Variants in CYSTM1 observed in about 807,000 individuals in gnomAD.
CYSTM1 encodes the protein cysteine rich transmembrane module containing 1.
A neutral mutation model predicts 13.1 loss-of-function variants in CYSTM1; 4 were observed. That is an observed-to-expected ratio of 0.31 (90% CI 0.15 to 0.70). The LOEUF is 0.70. CYSTM1 is among the 30% of genes least tolerant of loss of function. The probability of loss-of-function intolerance (pLI) is 0.72; values close to 1 mark genes in which losing one functional copy is unlikely to be tolerated. For synonymous variants in CYSTM1, 36 were observed against 42.7 expected (o/e 0.84, Z 0.62); for missense variants, 96 against 121.6 (o/e 0.79, Z 0.99).
At chr5:140,214,587 G>A (rs1012278422) in intron 2 of CYSTM1, among the ~76,000 whole-genome samples, 8 of 151,626 alleles carry the variant, frequency 5.3e-5, no homozygotes, top group Non-Finnish European at 2.9e-5. Flanking sequence ...TTTCACCCAG[G>A]AGCAGCCTGG....
At chr5:140,184,089 A>G (rs1408123821) in intron 1 of CYSTM1, among the ~76,000 whole-genome samples, 1 of 61,602 alleles carries the variant, frequency 1.6e-5, no homozygotes, top group African/African-American at 9.2e-5. Flanking sequence ...ATAAAAAAGT[A>G]TGTATAATGT....
rs564702723 is a variant in CYSTM1, at chr5:140,231,364, G to A, written c.188-11941G>A. Among the ~76,000 whole-genome samples, 11 of 152,274 alleles carry A rather than the reference G, an allele frequency of 7.2e-5. No homozygotes were observed. In the South Asian group the frequency reaches 2.1e-3, roughly 29 times the overall value. ...CTTGGGGGCAGTTCAGCTGTGAGGG[G>A]AGCAGTTCTTCAGTCTGTCCTATGC... On this transcript the variant is annotated intron_variant, in intron 2 of 2. Transcript: ENST00000261811.
chr5:140,241,878 T>C (rs1380699216), intron 2 of CYSTM1, among the ~76,000 whole-genome samples: 1 of 152,150 alleles, frequency 6.6e-6, no homozygotes, highest in Non-Finnish European at 1.5e-5. Context: ...TCTATCCCAG[T>C]TGGGTATGAG....
rs1764611396 is a variant in CYSTM1, at chr5:140,230,970, A to G, written c.188-12335A>G. Among the ~76,000 whole-genome samples, 2 of 152,096 alleles carry G rather than the reference A, an allele frequency of 1.3e-5. No individual in the cohort carries two copies. Among genetic ancestry groups the G allele is most frequent in the African/African-American group, 2.4e-5 (1 of 41,404 alleles). On this transcript the variant is annotated intron_variant, in intron 2 of 2. Transcript: ENST00000261811. The surrounding 1 kb of genome is among the most constrained non-coding windows in gnomAD (Gnocchi z 4.1). The stretch of plus-strand genomic sequence containing the variant: ...CTCGGCCTTTTACTGTTTCATCTAC[A>G]TTTTAGAATGTGTGTTAGTTTCTAC...
At chr5:140,208,346 A>G (rs1237165147) in intron 2 of CYSTM1, among the ~76,000 whole-genome samples, 5 of 152,252 alleles carry the variant, frequency 3.3e-5, no homozygotes, top group Non-Finnish European at 7.3e-5. Flanking sequence ...CACAAAGACA[A>G]ACATTGTGTG....
At chr5:140,186,730 T>A (rs1436165809) in intron 1 of CYSTM1, among the ~76,000 whole-genome samples, 1 of 152,196 alleles carries the variant, frequency 6.6e-6, no homozygotes, top group Non-Finnish European at 1.5e-5. Flanking sequence ...CTCCTATAAG[T>A]ATTTATGGAT....
intron 2 of CYSTM1, among the ~76,000 whole-genome samples, chr5:140,213,005 A>G (rs1302305382): frequency 7.7e-6 from 1 of 129,426 alleles, no homozygotes; most frequent in Non-Finnish European, 1.6e-5. Context: ...ATATATATAT[A>G]TATATGAGAG....
intron 2 of CYSTM1, among the ~76,000 whole-genome samples, chr5:140,228,559 G>A (rs965583444): frequency 5.3e-5 from 8 of 152,180 alleles, no homozygotes; most frequent in Non-Finnish European, 1.2e-4. Context: ...ACTGAAACAG[G>A]GAAAGCGCAG....
intron 1 of CYSTM1, among the ~76,000 whole-genome samples, chr5:140,192,449 GT>G (rs1334874706): frequency 1.3e-5 from 2 of 152,152 alleles, no homozygotes; most frequent in East Asian, 3.8e-4. Flanking sequence ...GATAGAGGTA[GT>G]TTAGGTTAGG....
At chr5:140,228,735 G>A (rs1340085381) in intron 2 of CYSTM1, 10 of 399,032 alleles carry the variant, frequency 2.5e-5, no homozygotes, top group Admixed American at 8.8e-5. Flanking sequence ...AACAGTGTAC[G>A]TGATAGAACG....
chr5:140,177,365 C>T (rs1016006589), intron 1 of CYSTM1, among the ~76,000 whole-genome samples: 41 of 152,084 alleles, frequency 2.7e-4, no homozygotes, highest in African/African-American at 9.2e-4. Flanking sequence ...GATCTTGGCT[C>T]ATTGCAACCT....
chr5:140,226,205 T>C (rs1478138539), intron 2 of CYSTM1, among the ~76,000 whole-genome samples: 2 of 152,166 alleles, frequency 1.3e-5, no homozygotes, highest in Non-Finnish European at 2.9e-5. Flanking sequence ...TGATGGGGTA[T>C]AGATTACTAA....
intron 1 of CYSTM1, among the ~76,000 whole-genome samples, chr5:140,186,464 A>C (rs1764016415): frequency 6.6e-6 from 1 of 152,208 alleles, no homozygotes; most frequent in Non-Finnish European, 1.5e-5. Context: ...AGAGTATGAA[A>C]TTTGGAGTAA....
At chr5:140,195,694 G>A (rs1764147328) in intron 2 of CYSTM1, among the ~76,000 whole-genome samples, 2 of 149,588 alleles carry the variant, frequency 1.3e-5, no homozygotes, top group Admixed American at 1.3e-4. Flanking sequence ...GCCTTCCAAA[G>A]TGCTGGGATT....
At chr5:140,235,148 A>G (rs1764665569) in intron 2 of CYSTM1, among the ~76,000 whole-genome samples, 2 of 151,232 alleles carry the variant, frequency 1.3e-5, no homozygotes, top group Admixed American at 6.6e-5. Context: ...TATACTTTTT[A>G]GTAGAGATGG....
At chr5:140,243,113 CAGG>C (rs1159892327) in intron 2 of CYSTM1, among the ~76,000 whole-genome samples, 189 bp from the exon 3 acceptor site, 1 of 152,226 alleles carries the variant, frequency 6.6e-6, no homozygotes, top group Non-Finnish European at 1.5e-5. Flanking sequence ...TCTGGAGTGG[CAGG>C]AGGGAGAAAG....
chr5:140,207,528 C>T (rs1275444060), intron 2 of CYSTM1, among the ~76,000 whole-genome samples: 1 of 152,174 alleles, frequency 6.6e-6, no homozygotes, highest in Non-Finnish European at 1.5e-5. Context: ...GAGTAATTGC[C>T]TCACCTGACC....
intron 2 of CYSTM1, among the ~76,000 whole-genome samples, chr5:140,227,425 A>G (rs1281993653): frequency 1.3e-5 from 2 of 152,120 alleles, no homozygotes; most frequent in African/African-American, 4.8e-5. Context: ...AGCATCCCCT[A>G]CTTGCCAGGT....
chr5:140,206,823 G>A (rs760214370), intron 2 of CYSTM1, among the ~76,000 whole-genome samples: 3 of 151,940 alleles, frequency 2.0e-5, no homozygotes, highest in Non-Finnish European at 4.4e-5. Flanking sequence ...TTGTAGAGAG[G>A]GGTCTCACCA....
Sources: allele counts gnomAD v4.1 joint callset (sites outside exome capture counted in the v4.1 genomes callset), GRCh38; gene constraint gnomAD v4.1.1; non-coding constraint Gnocchi (gnomAD v3.1); transcripts MANE v1.5; gene names NCBI Gene and HGNC (gene_info 2026-07-23, HGNC 2026-07-21).